MGAT4C: variants seen among roughly 807,000 people sequenced by gnomAD.
The protein encoded by MGAT4C is MGAT4 family member C, also known as alpha-1,3-mannosyl-glycoprotein 4-beta-N-acetylglucosaminyltransferase C.
In MGAT4C, 19 loss-of-function variants were observed where a neutral mutation model predicts 40.1. The observed-to-expected ratio is 0.47, with a 90% CI of 0.33 to 0.70. MGAT4C has a LOEUF of 0.70. Ranked by LOEUF, MGAT4C falls within the 30% of genes least tolerant of loss-of-function variation. The pLI is 0.02. For missense variants in MGAT4C, 491 were observed against 563.2 expected, an observed-to-expected ratio of 0.87 and a Z score of 1.30; for synonymous variants, 181 against 187.1, an observed-to-expected ratio of 0.97 and a Z score of 0.27.
At chr12:86,467,587 A>T (rs1398265553) in intron 2 of MGAT4C, among the ~76,000 whole-genome samples, 1 of 152,176 alleles carries the variant, frequency 6.6e-6, no homozygotes, top group Non-Finnish European at 1.5e-5. Flanking sequence ...TATAAACATT[A>T]TTGTAAATAC....
At chr12:86,188,026 A>G (rs1279455053) in intron 1 of MGAT4C, among the ~76,000 whole-genome samples, 5 of 152,118 alleles carry the variant, frequency 3.3e-5, no homozygotes, top group Non-Finnish European at 7.4e-5. Context: ...TCCTGCTGAG[A>G]TAAGAACCTG....
intron 2 of MGAT4C, among the ~76,000 whole-genome samples, chr12:86,474,520 T>C (rs577386983): frequency 3.3e-5 from 5 of 151,900 alleles, no homozygotes; most frequent in African/African-American, 4.8e-5. Context: ...TAGAGTATAA[T>C]AATAATAATA....
At chr12:86,503,834 C>A (rs1958420645) in intron 2 of MGAT4C, among the ~76,000 whole-genome samples, 11 of 109,120 alleles carry the variant, frequency 1.0e-4, no homozygotes, top group South Asian at 9.4e-4. Context: ...CAATTTTCTG[C>A]TAAATTTTGC....
chr12:86,484,636 AG>A (rs1306205945), intron 2 of MGAT4C, among the ~76,000 whole-genome samples: 1 of 152,156 alleles, frequency 6.6e-6, no homozygotes, highest in East Asian at 1.9e-4. Context: ...GAACACTGAG[AG>A]GGGTGAGAAA....
In MGAT4C at chr12:86,647,200, C is replaced by T. The variant is rs367895904; in HGVS notation, c.-229+80009G>A. Among the ~76,000 whole-genome samples, 11 of 152,052 alleles carry T rather than the reference C, an allele frequency of 7.2e-5. No individual in the cohort carries two copies. The East Asian group carries it at 9.7e-4, about 13-fold the overall frequency. ...CACATGAGAGCAGAGAGAAAATATA[C>T]AGCCACTCAAAGAATCATGAGGAAT... On this transcript the variant is annotated intron_variant, in intron 2 of 7. Transcript: ENST00000548651.
intron 2 of MGAT4C, among the ~76,000 whole-genome samples, chr12:86,494,447 ACTC>A (rs1276835991): frequency 2.0e-5 from 3 of 151,880 alleles, no homozygotes; most frequent in Non-Finnish European, 4.4e-5. Context: ...CATATAGACA[ACTC>A]CTATTTTTAT....
intron 2 of MGAT4C, among the ~76,000 whole-genome samples, chr12:86,046,336 A>G (rs7305869): frequency 0.44 from 66,876 of 151,988 alleles, 15,486 homozygotes; most frequent in African/African-American, 0.51. Flanking sequence ...TTTAAGCCTA[A>G]GACTCAAGAG....
intron 2 of MGAT4C, among the ~76,000 whole-genome samples, chr12:86,478,418 A>G (rs1429394936): frequency 2.0e-5 from 3 of 152,176 alleles, no homozygotes; most frequent in Admixed American, 6.6e-5. Context: ...AACAGGTAAC[A>G]TAGTGAACTG....
chr12:86,420,450 T>C (rs573744904), intron 3 of MGAT4C, among the ~76,000 whole-genome samples: 1 of 152,208 alleles, frequency 6.6e-6, no homozygotes, highest in African/African-American at 2.4e-5. Context: ...AATGCATAGG[T>C]AGCAAGACTA....
rs1884081472 is a variant in MGAT4C, at chr12:85,977,510, A to G, written c.*1779T>C. 6.6e-6 allele frequency: 1 copy of G among 151,460 alleles called. No individual in the cohort carries two copies. The highest frequency in any genetic ancestry group is 1.5e-5 in the Non-Finnish European group (1 of 67,510). 9.4% of individuals were successfully genotyped at this position (151,460 alleles called of 1,614,324 possible). On this transcript the variant is annotated 3_prime_UTR_variant, in exon 5 of 5. Coordinates refer to ENST00000611864, the MANE Select transcript of MGAT4C (RefSeq NM_001351288.2). ...GATTTAGGTGCCTCACAAAATATTAATATTTAGCCTCTTATGAAAGGTTCG... is the reference window on the plus strand; with the variant it reads ...GATTTAGGTGCCTCACAAAATATTAGTATTTAGCCTCTTATGAAAGGTTCG...
intron 1 of MGAT4C, among the ~76,000 whole-genome samples, chr12:86,153,576 C>T (rs1301244785): frequency 2.6e-5 from 4 of 152,174 alleles, no homozygotes; most frequent in African/African-American, 9.6e-5. Flanking sequence ...CAGGTAGGGA[C>T]CTGTAACCTG....
intron 1 of MGAT4C, among the ~76,000 whole-genome samples, chr12:86,132,872 T>C (rs1026908967): frequency 2.6e-5 from 4 of 151,092 alleles, no homozygotes; most frequent in African/African-American, 9.7e-5. Context: ...GGATCCCAAA[T>C]TGATATGTCA....
chr12:86,177,778 A>C (rs987357637), intron 1 of MGAT4C, among the ~76,000 whole-genome samples: 4 of 152,124 alleles, frequency 2.6e-5, no homozygotes, highest in African/African-American at 9.7e-5. Flanking sequence ...AATCATTTCC[A>C]TATGAACCTT....
Position 86,191,662 on chromosome 12 carries a change from CACACACACACA to C in MGAT4C, c.-57+64566_-57+64576del, listed in dbSNP as rs1327670717. ...ACACACACACACACACACACACACA[CACACACACACA>C]CCCTTATCTCCTGTAGCAAAATTCA... On this transcript the variant is annotated intron_variant, in intron 1 of 4. Transcript: ENST00000611864. Among the ~76,000 whole-genome samples the C allele has an allele frequency of 3.4e-3, 455 of 135,540 alleles. 2 individuals are homozygous for C. Among genetic ancestry groups the C allele is most frequent in the African/African-American group, 0.014 (423 of 31,258 alleles). The allele number at this position is 135,540 out of a possible 152,430, so 88.9% of individuals were successfully genotyped here. A position where few individuals can be genotyped will look rare whatever the true frequency, so the allele number is the denominator to read the frequency against.
chr12:86,734,428 C>T (rs1950954884), intron 1 of MGAT4C, among the ~76,000 whole-genome samples: 1 of 151,970 alleles, frequency 6.6e-6, no homozygotes, highest in Non-Finnish European at 1.5e-5. Flanking sequence ...GTCCTTCATT[C>T]TAATGGAAAG....
At chr12:86,267,151 G>T (rs536999530) in intron 4 of MGAT4C, among the ~76,000 whole-genome samples, 2 of 151,388 alleles carry the variant, frequency 1.3e-5, no homozygotes, top group East Asian at 1.9e-4. Context: ...GTTTTGGTTT[G>T]TTTTTGCTTT....
intron 2 of MGAT4C, among the ~76,000 whole-genome samples, chr12:86,702,802 A>G (rs1239045856): frequency 3.3e-5 from 5 of 152,200 alleles, no homozygotes; most frequent in Non-Finnish European, 7.3e-5. Flanking sequence ...TCTGCAGCCC[A>G]TTGATCAAGA....
intron 2 of MGAT4C, among the ~76,000 whole-genome samples, chr12:86,575,999 C>T (rs919031460): frequency 6.6e-6 from 1 of 151,802 alleles, no homozygotes; most frequent in East Asian, 1.9e-4. Context: ...TTTGTTATTG[C>T]CTGTTTTTAG....
intron 3 of MGAT4C, among the ~76,000 whole-genome samples, chr12:86,425,381 G>C (rs944398870): frequency 6.6e-6 from 1 of 152,118 alleles, no homozygotes; most frequent in Non-Finnish European, 1.5e-5. Flanking sequence ...TGGTTTAAAA[G>C]TGTAGCACTT....
Sources: gnomAD v4.1 joint callset for allele counts (sites outside exome capture counted in the v4.1 genomes callset) on GRCh38, gnomAD v4.1.1 for gene constraint, MANE v1.5 for transcripts, NCBI Gene and HGNC (gene_info 2026-07-23, HGNC 2026-07-21) for gene names.